Variants in CSMD3 observed in about 807,000 individuals in gnomAD.
CSMD3 encodes the protein CUB and Sushi multiple domains 3.
In CSMD3, 177 loss-of-function variants were observed where a neutral mutation model predicts 435.2. That is an observed-to-expected ratio of 0.41 (90% CI 0.36 to 0.46). CSMD3 has a LOEUF of 0.46. Among genes scored for constraint, CSMD3 ranks in the 20% least tolerant of loss-of-function variants. The pLI is 0.34. For missense variants in CSMD3, 4,265 were observed against 4,504.6 expected, an observed-to-expected ratio of 0.95 and a Z score of 1.52; for synonymous variants, 1,656 against 1,520.5, an observed-to-expected ratio of 1.09 and a Z score of -2.07.
chr8:113,030,898 T>C (rs1424533771), intron 5 of CSMD3, among the ~76,000 whole-genome samples: 1 of 151,356 alleles, frequency 6.6e-6, no homozygotes, highest in South Asian at 2.1e-4. Flanking sequence ...AGATGGCAAA[T>C]AGTTACATGA....
chr8:113,156,072 C>G (rs1038627337), intron 4 of CSMD3, among the ~76,000 whole-genome samples: 1 of 151,870 alleles, frequency 6.6e-6, no homozygotes. Context: ...TACTTTACAG[C>G]TGGGAGCAAG....
At chr8:113,123,783 A>T (rs1588116072) in intron 4 of CSMD3, among the ~76,000 whole-genome samples, 1 of 151,954 alleles carries the variant, frequency 6.6e-6, no homozygotes, top group African/African-American at 2.4e-5. Flanking sequence ...TACATTTACT[A>T]TCTTAGTGGA....
chr8:112,908,179 T>C (rs1229449591), intron 10 of CSMD3, among the ~76,000 whole-genome samples: 1 of 151,454 alleles, frequency 6.6e-6, no homozygotes, highest in Admixed American at 6.6e-5. Context: ...TTAACGTATT[T>C]CATATTCCTA....
chr8:112,294,095 G>A (rs894537032), intron 54 of CSMD3, among the ~76,000 whole-genome samples: 2 of 151,820 alleles, frequency 1.3e-5, no homozygotes, highest in African/African-American at 4.8e-5. Flanking sequence ...GCTTGGGGGG[G>A]GTGTAGGGGT....
At chr8:112,540,666 A>G (rs1371601385) in intron 27 of CSMD3, among the ~76,000 whole-genome samples, 1 of 152,072 alleles carries the variant, frequency 6.6e-6, no homozygotes, top group Non-Finnish European at 1.5e-5. Context: ...GTTACGTGAA[A>G]TAAGCCAACC....
chr8:113,051,838 A>G (rs969371716), intron 5 of CSMD3, among the ~76,000 whole-genome samples: 4 of 152,214 alleles, frequency 2.6e-5, no homozygotes, highest in Non-Finnish European at 4.4e-5. Flanking sequence ...ATGAAAAGTC[A>G]TCACTTTTTT....
chr8:112,455,267 A>G (rs1816713868), intron 32 of CSMD3, among the ~76,000 whole-genome samples: 1 of 152,040 alleles, frequency 6.6e-6, no homozygotes, highest in African/African-American at 2.4e-5. Flanking sequence ...CATAAAAAGA[A>G]GGAAATCATG....
chr8:113,371,150 A>T (rs1358754471), intron 1 of CSMD3, among the ~76,000 whole-genome samples: 6 of 152,052 alleles, frequency 3.9e-5, no homozygotes, highest in African/African-American at 1.4e-4. Context: ...TTTGAAATAG[A>T]TATGCCATTT....
At chr8:112,821,347 C>T (rs182315331) in intron 12 of CSMD3, among the ~76,000 whole-genome samples, 1 of 152,174 alleles carries the variant, frequency 6.6e-6, no homozygotes, top group East Asian at 1.9e-4. Flanking sequence ...ACCTTTCTGA[C>T]TGGTGTGAGA....
At chr8:113,265,718 CTAGAT>C (rs1022703604) in intron 3 of CSMD3, among the ~76,000 whole-genome samples, 4 of 151,234 alleles carry the variant, frequency 2.6e-5, no homozygotes, top group African/African-American at 9.7e-5. Context: ...GTGTTATTCT[CTAGAT>C]TAGGATTTTG....
chr8:113,304,394 C>T (rs2132612082), intron 2 of CSMD3, among the ~76,000 whole-genome samples: 1 of 95,012 alleles, frequency 1.1e-5, no homozygotes, highest in South Asian at 4.7e-4. Context: ...TACCATTTGA[C>T]CCAGCCATCC....
chr8:112,785,490 T>C (rs934419226), intron 13 of CSMD3, among the ~76,000 whole-genome samples: 3 of 152,054 alleles, frequency 2.0e-5, no homozygotes, highest in African/African-American at 7.2e-5. Context: ...ACATGCAATA[T>C]AAATTTATAT....
At chr8:113,352,104 T>C (rs2094194014) in intron 1 of CSMD3, among the ~76,000 whole-genome samples, 1 of 152,152 alleles carries the variant, frequency 6.6e-6, no homozygotes, top group African/African-American at 2.4e-5. Context: ...CAATATCACT[T>C]GCAGAAGGTT....
chr8:112,954,842 T>G, intron 7 of CSMD3, 81 bp from the exon 8 acceptor site: 1 of 861,172 alleles, frequency 1.2e-6, no homozygotes, highest in African/African-American at 1.7e-5. Context: ...TTTGTTAGCA[T>G]GGACTTATGC....
chr8:112,333,692 AC>A (rs1824292012), intron 45 of CSMD3, among the ~76,000 whole-genome samples: 1 of 150,032 alleles, frequency 6.7e-6, no homozygotes, highest in South Asian at 2.1e-4. Context: ...ACACACACAC[AC>A]AACACTGACA....
At chr8:112,335,233 C>A in intron 45 of CSMD3, 96 bp downstream of exon 45, 1 of 1,237,192 alleles carries the variant, frequency 8.1e-7, no homozygotes, top group Non-Finnish European at 1.2e-6. Flanking sequence ...ATTTTAATAC[C>A]TTTTCAATCA....
intron 3 of CSMD3, among the ~76,000 whole-genome samples, chr8:113,264,375 A>G (rs2093450840): frequency 6.7e-6 from 1 of 149,250 alleles, no homozygotes; most frequent in Non-Finnish European, 1.5e-5. Flanking sequence ...ATAGCAGTTG[A>G]TAAGTATAAC....
Position 113,098,834 on chromosome 8 carries a change from G to A in CSMD3, c.839C>T (p.Ser280Leu), listed in dbSNP as rs754066364. The part of the protein sequence containing the change: ...TIVAEPGDTI[S>L]LIFTDFQMEE... ...CATTTGAAAATCAGTAAATATGAGT[G>A]AAATTGTGTCCCCAGGCTCTGCTAC... Residue 280 changes from serine to leucine, a missense_variant, in exon 5 of 71, where the codon TCA becomes TTA. Transcript: ENST00000297405. 2.5e-6 allele frequency: 4 copies of A among 1,612,808 alleles called. No homozygotes were observed. The highest frequency in any genetic ancestry group is 3.4e-6 in the Non-Finnish European group (4 of 1,179,100).
At chr8:112,520,753 A>T (rs945962077) in intron 27 of CSMD3, among the ~76,000 whole-genome samples, 2 of 151,934 alleles carry the variant, frequency 1.3e-5, no homozygotes, top group African/African-American at 4.8e-5. Context: ...TATATGTCAA[A>T]TAACATTTTA....
Sources: gnomAD v4.1 joint callset for allele counts (sites outside exome capture counted in the v4.1 genomes callset) on GRCh38, gnomAD v4.1.1 for gene constraint, MANE v1.5 for transcripts, NCBI Gene and HGNC (gene_info 2026-07-23, HGNC 2026-07-21) for gene names.